AGBL4: variants seen among roughly 807,000 people sequenced by gnomAD.
AGBL4 encodes AGBL carboxypeptidase 4.
AGBL4 carries 58 observed loss-of-function variants against 66.4 expected under a neutral mutation model. The observed-to-expected ratio is 0.87, with a 90% CI of 0.71 to 1.09. The LOEUF is 1.09. Among genes scored for constraint, AGBL4 ranks in the 50% least tolerant of loss-of-function variants. The pLI, the probability that AGBL4 is intolerant of heterozygous loss-of-function variation, is 0.00. For synonymous variants in AGBL4, 234 were observed against 222.9 expected (o/e 1.05, Z -0.44); for missense variants, 579 against 631.0 (o/e 0.92, Z 0.88).
intron 4 of AGBL4, among the ~76,000 whole-genome samples, chr1:49,203,279 C>A: frequency 6.6e-6 from 1 of 151,724 alleles, no homozygotes. Context: ...GATCTATACC[C>A]GAAATAATTG....
At chr1:49,959,555 G>A (rs1656947780) in intron 1 of AGBL4, among the ~76,000 whole-genome samples, 1 of 151,968 alleles carries the variant, frequency 6.6e-6, no homozygotes, top group African/African-American at 2.4e-5. Flanking sequence ...ATATTTCTTG[G>A]ACGAATTAAT....
chr1:48,700,033 C>T (rs937713490), intron 6 of AGBL4, among the ~76,000 whole-genome samples: 4 of 152,128 alleles, frequency 2.6e-5, no homozygotes, highest in Non-Finnish European at 4.4e-5. Context: ...CCTGCCTTGG[C>T]CTCCCAAAGT....
chr1:49,122,836 T>C (rs1482373347), intron 4 of AGBL4, among the ~76,000 whole-genome samples: 1 of 152,124 alleles, frequency 6.6e-6, no homozygotes, highest in Non-Finnish European at 1.5e-5. Context: ...CAATATCTGT[T>C]AGCTACTATA....
At chr1:48,781,674 C>T (rs1570660191) in intron 6 of AGBL4, among the ~76,000 whole-genome samples, 1 of 152,152 alleles carries the variant, frequency 6.6e-6, no homozygotes, top group Non-Finnish European at 1.5e-5. Flanking sequence ...TACTAGCTCC[C>T]CTTAACTTTT....
At chr1:49,429,399 A>G (rs1645734361) in intron 3 of AGBL4, among the ~76,000 whole-genome samples, 1 of 152,216 alleles carries the variant, frequency 6.6e-6, no homozygotes, top group South Asian at 2.1e-4. Flanking sequence ...TGTAGTATTA[A>G]TAATGCCAGT....
chr1:49,261,302 T>G (rs1570260100), intron 3 of AGBL4, among the ~76,000 whole-genome samples: 1 of 152,214 alleles, frequency 6.6e-6, no homozygotes, highest in South Asian at 2.1e-4. Context: ...TTGGAAGTTC[T>G]GGCCAAGGAA....
At chr1:49,402,663 G>A (rs1401228013) in intron 3 of AGBL4, among the ~76,000 whole-genome samples, 1 of 151,836 alleles carries the variant, frequency 6.6e-6, no homozygotes, top group Non-Finnish European at 1.5e-5. Context: ...TGCCTCCTGG[G>A]TTCAAGTGAT....
intron 1 of AGBL4, among the ~76,000 whole-genome samples, chr1:49,986,735 A>C (rs1264975090): frequency 1.3e-5 from 2 of 152,174 alleles, no homozygotes; most frequent in Middle Eastern, 3.4e-3. Flanking sequence ...TTAAAAGCCA[A>C]ATCTTTTGTT....
intron 2 of AGBL4, among the ~76,000 whole-genome samples, chr1:49,811,387 T>C (rs1352733846): frequency 6.6e-6 from 1 of 152,140 alleles, no homozygotes; most frequent in African/African-American, 2.4e-5. Flanking sequence ...GTATAGTAAA[T>C]ACATAGTAAA....
At chr1:49,863,071 C>T (rs947538533) in intron 1 of AGBL4, among the ~76,000 whole-genome samples, 4 of 152,122 alleles carry the variant, frequency 2.6e-5, no homozygotes, top group African/African-American at 9.7e-5. Flanking sequence ...AGCAAAACAG[C>T]ATGGTACTGA....
At chr1:49,702,934 T>G (rs1647127931) in intron 2 of AGBL4, among the ~76,000 whole-genome samples, 1 of 152,070 alleles carries the variant, frequency 6.6e-6, no homozygotes, top group South Asian at 2.1e-4. Context: ...ACAAGGGACC[T>G]TCCTCAAACT....
At chr1:48,744,373 A>G (rs1650404041) in intron 6 of AGBL4, among the ~76,000 whole-genome samples, 2 of 152,248 alleles carry the variant, frequency 1.3e-5, no homozygotes, top group Admixed American at 1.3e-4. Flanking sequence ...ATTTTGAGAC[A>G]TAAACAAATT....
intron 1 of AGBL4, among the ~76,000 whole-genome samples, chr1:50,003,374 T>A (rs1660908328): frequency 2.6e-5 from 4 of 152,364 alleles, no homozygotes; most frequent in Non-Finnish European, 1.5e-5. Flanking sequence ...AGAAGGAGTT[T>A]CCTTAGATTC....
At chr1:49,903,546 A>G (rs1270516777) in intron 1 of AGBL4, among the ~76,000 whole-genome samples, 1 of 152,172 alleles carries the variant, frequency 6.6e-6, no homozygotes. Flanking sequence ...TGAACTTCAG[A>G]AAGTTACCTA....
intron 6 of AGBL4, among the ~76,000 whole-genome samples, chr1:48,687,197 C>T (rs1050473046): frequency 1.3e-5 from 2 of 151,982 alleles, no homozygotes; most frequent in Non-Finnish European, 2.9e-5. Context: ...GAGACAGCGC[C>T]GCAGGCACAC....
chr1:49,627,613 T>C (rs1156446396), intron 3 of AGBL4, among the ~76,000 whole-genome samples: 1 of 152,216 alleles, frequency 6.6e-6, no homozygotes, highest in Non-Finnish European at 1.5e-5. Context: ...AGTCCCTGGC[T>C]GATAGGATGA....
At chr1:49,959,895 C>T (rs1210984495) in intron 1 of AGBL4, among the ~76,000 whole-genome samples, 1 of 151,930 alleles carries the variant, frequency 6.6e-6, no homozygotes, top group Non-Finnish European at 1.5e-5. Flanking sequence ...ATGGGTGGAG[C>T]TTAAGCGAAC....
chr1:49,472,067 A>G (rs1210582758), intron 3 of AGBL4: 1 of 152,048 alleles, frequency 6.6e-6, no homozygotes, highest in East Asian at 1.9e-4. Context: ...CGTAATTTTT[A>G]CCACAGCCCA....
At chr1:49,425,219 A>G (rs1201335759) in intron 3 of AGBL4, among the ~76,000 whole-genome samples, 1 of 152,166 alleles carries the variant, frequency 6.6e-6, no homozygotes, top group Non-Finnish European at 1.5e-5. Flanking sequence ...ATTTTACATT[A>G]TGAGTCACAA....
Sources: allele counts gnomAD v4.1 joint callset (sites outside exome capture counted in the v4.1 genomes callset), GRCh38; gene constraint gnomAD v4.1.1; transcripts MANE v1.5; gene names NCBI Gene and HGNC (gene_info 2026-07-23, HGNC 2026-07-21).